CANT1: variants seen among roughly 807,000 people sequenced by gnomAD.
CANT1 encodes calcium activated nucleotidase 1, also known as soluble calcium-activated nucleotidase 1.
Under a neutral mutation model 30.0 loss-of-function variants are expected in CANT1, and 26 were observed. That is an observed-to-expected ratio of 0.87 (90% CI 0.64 to 1.20). CANT1 has a LOEUF of 1.20. CANT1 is among the 50% of genes most tolerant of loss of function. CANT1 has a pLI of 0.00. For synonymous variants in CANT1, 246 were observed against 251.8 expected (o/e 0.98, Z 0.22); for missense variants, 518 against 563.0 (o/e 0.92, Z 0.81).
At position 78,996,730 on chromosome 17, in the gene CANT1, T is replaced by C. The variant is rs1294310411; in HGVS notation, c.631+262A>G. 6.6e-6 allele frequency among the ~76,000 whole-genome samples: 1 copy of C among 152,150 alleles called. No individual in the cohort carries two copies. Among genetic ancestry groups the C allele is most frequent in the Non-Finnish European group, 1.5e-5 (1 of 68,022 alleles). ...AGCAGCGGATACAGCCGAAAACATC[T>C]TGGAGAGATTCCCCACGTCTCCCAC... On this transcript the variant is annotated intron_variant, in intron 3 of 4. Transcript: ENST00000392446. The surrounding 1 kb of genome is among the most constrained non-coding windows in gnomAD (Gnocchi z 5.1).
intron 1 of CANT1, among the ~76,000 whole-genome samples, chr17:79,003,992 A>G (rs1412173605): frequency 4.3e-4 from 6 of 14,056 alleles, no homozygotes; most frequent in East Asian, 1.3e-3. Context: ...GGAGGGGGGA[A>G]TTGGGGAGGG....
chr17:79,005,719 A>AGGCC (rs2071526125), intron 1 of CANT1, among the ~76,000 whole-genome samples: 1 of 152,132 alleles, frequency 6.6e-6, no homozygotes, highest in Non-Finnish European at 1.5e-5. Flanking sequence ...GCAGGCAGGC[A>AGGCC]GGCCTCAGAG....
In CANT1 at chr17:78,997,520, C is replaced by T. The variant is rs199950703; in HGVS notation, c.103G>A (p.Ala35Thr). ...CAGCGGGGGCGGAAGCGGGGGTCCGCGGCCTTGGTCATGGACGCCAGCACA... is the reference window on the plus strand; with the variant it reads ...CAGCGGGGGCGGAAGCGGGGGTCCGTGGCCTTGGTCATGGACGCCAGCACA... Reference protein sequence around the residue: ...LPVLASMTKAADPRFRPRWKV... With the variant: ...LPVLASMTKATDPRFRPRWKV... Residue 35 changes from alanine to threonine, a missense_variant, in exon 3 of 5, where the codon GCG becomes ACG. Transcript: ENST00000392446. The surrounding 1 kb of genome is among the most constrained non-coding windows in gnomAD (Gnocchi z 7.5). 364 of 1,567,770 alleles carry T rather than the reference C, an allele frequency of 2.3e-4. No homozygotes were observed. Among genetic ancestry groups the T allele is most frequent in the Non-Finnish European group, 3.0e-4 (341 of 1,155,528 alleles).
At chr17:79,004,847 T>G (rs529307802) in intron 1 of CANT1, among the ~76,000 whole-genome samples, 15 of 1,630 alleles carry the variant, frequency 9.2e-3, no homozygotes, top group African/African-American at 0.027. Context: ...GGAGAGGGGA[T>G]TTAGGGAGGG....
chr17:78,993,988 C>G lies in CANT1; in HGVS notation c.836-68G>C, dbSNP rs1257334824. The G allele has an allele frequency of 1.3e-5, 20 of 1,508,898 alleles. No homozygotes were observed. Among genetic ancestry groups the G allele is most frequent in the Non-Finnish European group, 1.8e-5 (20 of 1,131,750 alleles). The allele number at this position is 1,508,898 out of a possible 1,614,324, so 93.5% of individuals were successfully genotyped here. ...GTGTGCCCAGCCCCACACCATCAGG[C>G]CGTGCGCAGTAGCAGGCAAGGGGCT... On this transcript the variant is annotated intron_variant, in intron 4 of 4. Transcript: ENST00000392446. This position sits in a 1 kb window ranked among gnomAD's most constrained non-coding sequence, Gnocchi z 4.5.
In CANT1 at chr17:78,992,841, C is replaced by A. The variant is rs1355153091; in HGVS notation, c.*709G>T. On this transcript the variant is annotated 3_prime_UTR_variant, in exon 5 of 5. Coordinates refer to ENST00000392446, the MANE Select transcript of CANT1 (RefSeq NM_001159773.2). ...TTCCACTTTATAAGAAAGGAAACTG[C>A]TTTAATTAAAGCAGGTTAATAATTA... 1 of 384,916 alleles carries A rather than the reference C, an allele frequency of 2.6e-6. No individual in the cohort carries two copies. Among genetic ancestry groups the A allele is most frequent in the Non-Finnish European group, 5.1e-6 (1 of 196,708 alleles). 23.8% of individuals were successfully genotyped at this position (384,916 alleles called of 1,614,324 possible).
chr17:78,992,727 C>T lies in CANT1; in HGVS notation c.*823G>A, dbSNP rs1420529700. 6.7e-6 allele frequency: 4 copies of T among 596,572 alleles called. No homozygotes were observed. The highest frequency in any genetic ancestry group is 5.4e-5 in the African/African-American group (3 of 55,712). The allele number at this position is 596,572 out of a possible 1,614,324, so 37.0% of individuals were successfully genotyped here. A position where few individuals can be genotyped will look rare whatever the true frequency, so the allele number is the denominator to read the frequency against. On this transcript the variant is annotated 3_prime_UTR_variant, in exon 5 of 5. Transcript: ENST00000392446. ...CGCCGACATGTGAGACTTGCTTCAC[C>T]AGCCGCCACCGCTTCCTTACAATCT...
chr17:79,001,877 G>A (rs922303613), intron 1 of CANT1, among the ~76,000 whole-genome samples: 1 of 152,052 alleles, frequency 6.6e-6, no homozygotes, highest in African/African-American at 2.4e-5. Flanking sequence ...CACAGGCACC[G>A]CAAACCAGGT....
chr17:79,007,234 A>C (rs2071585575), intron 1 of CANT1, among the ~76,000 whole-genome samples: 1 of 152,220 alleles, frequency 6.6e-6, no homozygotes, highest in South Asian at 2.1e-4. Flanking sequence ...AAGTAAAAGG[A>C]AAATCAACAT....
At chr17:79,005,479 T>C (rs1173348137) in intron 1 of CANT1, 1 of 152,118 alleles carries the variant, frequency 6.6e-6, no homozygotes, top group Non-Finnish European at 1.5e-5. Flanking sequence ...TTTCTCCAGC[T>C]TCCTGCAGGA....
chr17:78,995,349 C>T lies in CANT1; in HGVS notation c.632-128G>A. On this transcript the variant is annotated intron_variant, in intron 3 of 4. Coordinates refer to ENST00000392446, the MANE Select transcript of CANT1 (RefSeq NM_001159773.2). This position sits in a 1 kb window ranked among gnomAD's most constrained non-coding sequence, Gnocchi z 5.7. Reference sequence around the variant, plus strand: ...CTCCCGCCCGGCTCCACACCTGCCTCCCCTCCGGCCCGCACCTGGCTCCCG... The same window carrying T: ...CTCCCGCCCGGCTCCACACCTGCCTTCCCTCCGGCCCGCACCTGGCTCCCG... 4 of 1,007,312 alleles carry T rather than the reference C, an allele frequency of 4.0e-6. No individual in the cohort carries two copies. The highest frequency in any genetic ancestry group is 2.0e-5 in the Admixed American group (1 of 49,458). The allele number at this position is 1,007,312 out of a possible 1,614,324, so 62.4% of individuals were successfully genotyped here.
chr17:79,009,196 G>A (rs2071657474), intron 1 of CANT1, among the ~76,000 whole-genome samples: 1 of 144,746 alleles, frequency 6.9e-6, no homozygotes, highest in African/African-American at 2.7e-5. Flanking sequence ...ACTAATCAGA[G>A]CGGGGAGGTG....
chr17:79,007,549 C>G (rs1216935572), intron 1 of CANT1, among the ~76,000 whole-genome samples: 3 of 152,218 alleles, frequency 2.0e-5, no homozygotes, highest in Non-Finnish European at 4.4e-5. Flanking sequence ...AGTACCGAGA[C>G]TCCGAGGACG....
At chr17:78,994,935 T>G (rs1687889232) in intron 4 of CANT1, 83 bp downstream of exon 4, 2 of 1,429,600 alleles carry the variant, frequency 1.4e-6, no homozygotes, top group Non-Finnish European at 1.9e-6. Context: ...AAAAACGGTT[T>G]TGGAGGCAAA....
At chr17:79,007,031 C>T (rs182894728) in intron 1 of CANT1, among the ~76,000 whole-genome samples, 3 of 152,348 alleles carry the variant, frequency 2.0e-5, no homozygotes, top group Admixed American at 6.5e-5. Context: ...CAGACTTCAA[C>T]GCCTTCTTCA....
At position 79,008,057 on chromosome 17, in the gene CANT1, C is replaced by T. The variant is rs2071613035; in HGVS notation, c.-147+1607G>A. ...ATGACAGTGCCTGGACAAATCCATG[C>T]TTCACCTGAGTCCTGGCCGTGAAGA... On this transcript the variant is annotated intron_variant, in intron 1 of 4. Coordinates refer to ENST00000392446, the MANE Select transcript of CANT1 (RefSeq NM_001159773.2). The surrounding 1 kb of genome is among the most constrained non-coding windows in gnomAD (Gnocchi z 4.4). 1 of 152,284 alleles carries T rather than the reference C, an allele frequency of 6.6e-6. No homozygotes were observed. The highest frequency in any genetic ancestry group is 1.5e-5 in the Non-Finnish European group (1 of 68,082). The allele number at this position is 152,284 out of a possible 1,614,324, so 9.4% of individuals were successfully genotyped here. A position where few individuals can be genotyped will look rare whatever the true frequency, so the allele number is the denominator to read the frequency against.
intron 1 of CANT1, among the ~76,000 whole-genome samples, chr17:79,006,764 C>T (rs1378270917): frequency 1.3e-5 from 2 of 152,214 alleles, no homozygotes; most frequent in South Asian, 2.1e-4. Context: ...GTGAAAATAA[C>T]GGGATGGGAT....
rs542702815 is a variant in CANT1 at position 78,993,979 on chromosome 17, A to C, written c.836-59T>G. On this transcript the variant is annotated intron_variant, in intron 4 of 4. Coordinates refer to ENST00000392446, the MANE Select transcript of CANT1 (RefSeq NM_001159773.2). The surrounding 1 kb of genome is among the most constrained non-coding windows in gnomAD (Gnocchi z 4.5). ...TGCGGCCTGGTGTGCCCAGCCCCAC[A>C]CCATCAGGCCGTGCGCAGTAGCAGG... 143 of 1,520,596 alleles carry C rather than the reference A, an allele frequency of 9.4e-5. No individual in the cohort carries two copies. In the South Asian group the frequency reaches 1.7e-3, roughly 18 times the overall value. 94.2% of individuals were successfully genotyped at this position (1,520,596 alleles called of 1,614,324 possible).
At chr17:79,003,474 T>C (rs1166334691) in intron 1 of CANT1, among the ~76,000 whole-genome samples, 1 of 149,580 alleles carries the variant, frequency 6.7e-6, no homozygotes, top group African/African-American at 2.4e-5. Context: ...GGGGCTCTTT[T>C]GTTTGTTGCC....
Sources: gnomAD v4.1 joint callset for allele counts (sites outside exome capture counted in the v4.1 genomes callset) on GRCh38, gnomAD v4.1.1 for gene constraint, Gnocchi (gnomAD v3.1) non-coding constraint, MANE v1.5 for transcripts, NCBI Gene and HGNC (gene_info 2026-07-23, HGNC 2026-07-21) for gene names.